ANKRD12: variants seen among roughly 807,000 people sequenced by gnomAD.
The protein encoded by ANKRD12 is ankyrin repeat domain-containing protein 12.
Under a neutral mutation model 183.4 loss-of-function variants are expected in ANKRD12, and 85 were observed. The observed-to-expected ratio is 0.46, with a 90% confidence interval of 0.39 to 0.56. The LOEUF (loss-of-function observed/expected upper bound fraction) is 0.56. Ranked by LOEUF, ANKRD12 falls within the 20% of genes least tolerant of loss-of-function variation. The probability of loss-of-function intolerance (pLI) is 0.00; values close to 1 mark genes in which losing one functional copy is unlikely to be tolerated. For synonymous variants in ANKRD12, 914 were observed against 800.2 expected (o/e 1.14, Z -2.40); for missense variants, 2,405 against 2,357.1 (o/e 1.02, Z -0.42).
chr18:9,253,998 A>C (rs2038448400), intron 8 of ANKRD12, among the ~76,000 whole-genome samples: 1 of 152,224 alleles, frequency 6.6e-6, no homozygotes, highest in African/African-American at 2.4e-5. Flanking sequence ...AAGGAGCCTC[A>C]CCATAAAGCA....
intron 1 of ANKRD12, among the ~76,000 whole-genome samples, chr18:9,166,270 A>G (rs930203594): frequency 4.6e-5 from 7 of 152,022 alleles, no homozygotes; most frequent in African/African-American, 9.7e-5. Flanking sequence ...GGTATTTCTA[A>G]TTCTAGATCC....
At chr18:9,173,615 G>A (rs1239500615) in intron 1 of ANKRD12, among the ~76,000 whole-genome samples, 1 of 130,378 alleles carries the variant, frequency 7.7e-6, no homozygotes, top group African/African-American at 2.8e-5. Flanking sequence ...CGGTGGGGTG[G>A]TGGGGGGGGG....
chr18:9,223,543 A>G (rs578171944), intron 8 of ANKRD12, among the ~76,000 whole-genome samples: 4 of 152,334 alleles, frequency 2.6e-5, no homozygotes, highest in South Asian at 2.1e-4. Context: ...AAGTCAGGAA[A>G]TAGTGCATGA....
chr18:9,146,688 A>T (rs1025076086), intron 1 of ANKRD12, among the ~76,000 whole-genome samples: 1 of 152,176 alleles, frequency 6.6e-6, no homozygotes, highest in Non-Finnish European at 1.5e-5. Context: ...TCTCATCAAC[A>T]TGCTTTGGCA....
At chr18:9,161,737 G>GGT (rs2031449979) in intron 1 of ANKRD12, among the ~76,000 whole-genome samples, 3 of 146,776 alleles carry the variant, frequency 2.0e-5, no homozygotes, top group African/African-American at 7.7e-5. Flanking sequence ...GTGATATGTT[G>GGT]ATGTGTGTGT....
At chr18:9,280,908 AT>A in intron 12 of ANKRD12, 32 bp from the exon 13 acceptor site, 1 of 1,587,124 alleles carries the variant, frequency 6.3e-7, no homozygotes, top group Middle Eastern at 1.7e-4. Context: ...AGTTAACAGA[AT>A]AATCAAGTAA....
At chr18:9,184,293 G>A (rs1427765707) in intron 2 of ANKRD12, among the ~76,000 whole-genome samples, 1 of 152,128 alleles carries the variant, frequency 6.6e-6, no homozygotes, top group Non-Finnish European at 1.5e-5. Flanking sequence ...GTTACTATCT[G>A]GTGTAAGAAT....
chr18:9,185,157 G>A (rs191651438), intron 2 of ANKRD12, among the ~76,000 whole-genome samples: 1 of 152,346 alleles, frequency 6.6e-6, no homozygotes, highest in East Asian at 1.9e-4. Flanking sequence ...TATGAAGGAT[G>A]GAGGATAGGA....
Position 9,154,961 on chromosome 18 carries a change from A to G in ANKRD12, c.-52+17996A>G, listed in dbSNP as rs903138341. On this transcript the variant is annotated intron_variant, in intron 1 of 12. Transcript: ENST00000262126. ...TTTTAGAGAAGGTCTAGGACTAGAA[A>G]TACAGAGTTGGAAATCAGTGGCTTA... Among the ~76,000 whole-genome samples, 5 of 152,344 alleles carry G rather than the reference A, an allele frequency of 3.3e-5. No homozygotes were observed. In the East Asian group the frequency reaches 9.6e-4, roughly 29 times the overall value.
At chr18:9,226,831 A>C (rs919654685) in intron 8 of ANKRD12, among the ~76,000 whole-genome samples, 1 of 151,996 alleles carries the variant, frequency 6.6e-6, no homozygotes, top group African/African-American at 2.4e-5. Flanking sequence ...TTTTTAAAAA[A>C]AATAAAGCCA....
At chr18:9,233,651 T>C (rs1176398043) in intron 8 of ANKRD12, among the ~76,000 whole-genome samples, 1 of 152,192 alleles carries the variant, frequency 6.6e-6, no homozygotes, top group Non-Finnish European at 1.5e-5. Flanking sequence ...CGCGTGATAG[T>C]GCAGTGTAAT....
intron 10 of ANKRD12, among the ~76,000 whole-genome samples, chr18:9,267,149 T>G (rs113306223): frequency 6.6e-6 from 1 of 151,928 alleles, no homozygotes; most frequent in Non-Finnish European, 1.5e-5. Context: ...GAGACTTAGA[T>G]TCCCACACAA....
chr18:9,147,764 G>T (rs926380379), intron 1 of ANKRD12, among the ~76,000 whole-genome samples: 1 of 152,178 alleles, frequency 6.6e-6, no homozygotes, highest in Admixed American at 6.5e-5. Context: ...GTATAGATTT[G>T]AGAGGAACCA....
rs779903925 is a variant in ANKRD12 at position 9,263,940 on chromosome 18, ATAAAT to A, written c.5763+57_5763+61del. Reference sequence around the variant, plus strand: ...TGCTAAAAATAACTGGTTTCTAGCAATAAATTAAAATGGCCTATAATTTTTTATTA... The same window carrying A: ...TGCTAAAAATAACTGGTTTCTAGCAATAAAATGGCCTATAATTTTTTATTA... On this transcript the variant is annotated intron_variant, in intron 10 of 12. Coordinates refer to ENST00000262126, the MANE Select transcript of ANKRD12 (RefSeq NM_015208.5). 3.6e-5 allele frequency: 45 copies of A among 1,242,612 alleles called. No homozygotes were observed. The South Asian group carries it at 7.2e-4, about 20-fold the overall frequency. 77.0% of individuals were successfully genotyped at this position (1,242,612 alleles called of 1,614,324 possible).
At position 9,268,252 on chromosome 18, in the gene ANKRD12, T is replaced by C. The variant is rs549087129; in HGVS notation, c.5763+4364T>C. 7.5e-3 allele frequency among the ~76,000 whole-genome samples: 1,141 copies of C among 152,250 alleles called. 20 individuals carry two copies. The highest frequency in any genetic ancestry group is 0.026 in the African/African-American group (1,078 of 41,524). On this transcript the variant is annotated intron_variant, in intron 10 of 12. Coordinates refer to ENST00000262126, the MANE Select transcript of ANKRD12 (RefSeq NM_015208.5). ...CAATCAATAGAAAAAGAGGGAATCC[T>C]CCCTAACTCATTTTATGAGGCCAGC...
rs186740694 is a variant in ANKRD12, at chr18:9,151,947, G to C, written c.-52+14982G>C. 3.5e-3 allele frequency among the ~76,000 whole-genome samples: 531 copies of C among 152,228 alleles called. 4 individuals carry two copies. Among genetic ancestry groups the C allele is most frequent in the Non-Finnish European group, 6.3e-3 (430 of 68,020 alleles). On this transcript the variant is annotated intron_variant, in intron 1 of 12. Coordinates refer to ENST00000262126, the MANE Select transcript of ANKRD12 (RefSeq NM_015208.5). ...TTAAGTAATTTAGGCCAGGTGCATT[G>C]GTTCATGCCTGTCATCCCAGCACTT... is the stretch of plus-strand genomic sequence containing the variant.
chr18:9,234,160 C>A (rs150806212), intron 8 of ANKRD12, among the ~76,000 whole-genome samples: 1 of 152,298 alleles, frequency 6.6e-6, no homozygotes, highest in Non-Finnish European at 1.5e-5. Flanking sequence ...AGCACAAAGG[C>A]CATGCCACCA....
intron 1 of ANKRD12, among the ~76,000 whole-genome samples, chr18:9,139,089 C>T (rs2078228716): frequency 6.6e-6 from 1 of 152,066 alleles, no homozygotes; most frequent in Non-Finnish European, 1.5e-5. Context: ...TTATGAACTA[C>T]GCAGAACTGG....
chr18:9,243,750 G>A (rs2037791262), intron 8 of ANKRD12, among the ~76,000 whole-genome samples: 1 of 152,196 alleles, frequency 6.6e-6, no homozygotes, highest in South Asian at 2.1e-4. Context: ...AAAGATGTTG[G>A]AAATATGAGG....
Sources: allele counts gnomAD v4.1 joint callset (sites outside exome capture counted in the v4.1 genomes callset), GRCh38; gene constraint gnomAD v4.1.1; transcripts MANE v1.5; gene names NCBI Gene and HGNC (gene_info 2026-07-23, HGNC 2026-07-21).